The following SENP6 variants were observed in gnomAD, a reference collection of about 807,000 sequenced individuals.
SENP6 encodes SUMO specific peptidase 6.
Under a neutral mutation model 134.5 loss-of-function variants are expected in SENP6, and 41 were observed. That is an observed-to-expected ratio of 0.30 (90% CI 0.24 to 0.40). The LOEUF (loss-of-function observed/expected upper bound fraction) is 0.40, where lower values mean the gene tolerates loss of function less well. Ranked by LOEUF, SENP6 falls within the 10% of genes least tolerant of loss-of-function variation. The pLI is 1.00. For synonymous variants in SENP6, 395 were observed against 429.8 expected, an observed-to-expected ratio of 0.92 and a Z score of 1.00; for missense variants, 1,248 against 1,312.5, an observed-to-expected ratio of 0.95 and a Z score of 0.76.
At chr6:75,649,251 GT>G (rs1401016638) in intron 7 of SENP6, among the ~76,000 whole-genome samples, 14 of 152,066 alleles carry the variant, frequency 9.2e-5, no homozygotes, top group Non-Finnish European at 1.9e-4. Context: ...GGAGGCAGAG[GT>G]TGCAGTGAGC....
chr6:75,608,538 GGAAAGAAAGGAA>G (rs1259630023), intron 1 of SENP6, among the ~76,000 whole-genome samples: 3 of 150,962 alleles, frequency 2.0e-5, no homozygotes, highest in South Asian at 2.1e-4. Context: ...AAGAGAGGAA[GGAAAGAAAGGAA>G]GAAAGAAAGG....
intron 7 of SENP6, among the ~76,000 whole-genome samples, chr6:75,648,837 A>C (rs1220999453): frequency 1.3e-5 from 2 of 152,170 alleles, no homozygotes. Context: ...CTATAAGCTA[A>C]AAAACTTCCT....
At chr6:75,603,553 T>C (rs1254351643) in intron 1 of SENP6, among the ~76,000 whole-genome samples, 1 of 152,190 alleles carries the variant, frequency 6.6e-6, no homozygotes, top group African/African-American at 2.4e-5. Context: ...TGTCATAAGC[T>C]TTACTTCAAA....
At chr6:75,707,098 T>C (rs550648008) in intron 19 of SENP6, among the ~76,000 whole-genome samples, 2 of 152,320 alleles carry the variant, frequency 1.3e-5, no homozygotes, top group South Asian at 4.1e-4. Context: ...TCATTTAGGT[T>C]ATTTTTCTCC....
intron 3 of SENP6, among the ~76,000 whole-genome samples, chr6:75,625,099 G>C (rs1012484719): frequency 2.8e-5 from 4 of 143,834 alleles, no homozygotes; most frequent in South Asian, 2.2e-4. Flanking sequence ...ATATATATAC[G>C]TGTGTGTGTG....
At chr6:75,618,421 CCT>C (rs1050075910) in intron 1 of SENP6, among the ~76,000 whole-genome samples, 7 of 151,998 alleles carry the variant, frequency 4.6e-5, no homozygotes, top group Non-Finnish European at 7.4e-5. Context: ...TTGACATGCC[CCT>C]GTCTTTAAAA....
At chr6:75,645,584 G>C (rs1263320353) in intron 6 of SENP6, among the ~76,000 whole-genome samples, 1 of 152,076 alleles carries the variant, frequency 6.6e-6, no homozygotes, top group Non-Finnish European at 1.5e-5. Context: ...GCACGCTACT[G>C]TTCTCCAGCC....
intron 6 of SENP6, among the ~76,000 whole-genome samples, chr6:75,644,620 G>A (rs1417725897): frequency 3.3e-5 from 5 of 152,168 alleles, no homozygotes; most frequent in Admixed American, 2.0e-4. Context: ...GAGTAGCTGG[G>A]ATTACAGGCA....
chr6:75,683,201 G>A (rs1328383378), intron 16 of SENP6, among the ~76,000 whole-genome samples: 5 of 152,048 alleles, frequency 3.3e-5, no homozygotes, highest in Non-Finnish European at 7.4e-5. Context: ...CTGTATAGAT[G>A]TCTTCTTTAG....
chr6:75,671,934 T>C (rs1322403481), intron 11 of SENP6, among the ~76,000 whole-genome samples: 1 of 152,106 alleles, frequency 6.6e-6, no homozygotes, highest in East Asian at 1.9e-4. Flanking sequence ...ATCCGGCAAA[T>C]TTTTCTTTTC....
chr6:75,684,364 C>T lies in SENP6; in HGVS notation c.2075+5437C>T, dbSNP rs143147892. Among the ~76,000 whole-genome samples, 317 of 152,262 alleles carry T rather than the reference C, an allele frequency of 2.1e-3. 2 individuals carry two copies. The highest frequency in any genetic ancestry group is 7.3e-3 in the African/African-American group (304 of 41,542). On this transcript the variant is annotated intron_variant, in intron 16 of 23. Coordinates refer to ENST00000447266, the MANE Select transcript of SENP6 (RefSeq NM_015571.4). ...GCAAACAGGGACAGTTTGACTTCCC[C>T]ATTTCCTAATTGAATACGCTTTATT...
intron 16 of SENP6, among the ~76,000 whole-genome samples, chr6:75,688,853 A>G (rs1774031174): frequency 6.6e-6 from 1 of 152,214 alleles, no homozygotes; most frequent in Non-Finnish European, 1.5e-5. Context: ...GGATCATCTG[A>G]GGTCAGGAGG....
intron 3 of SENP6, 23 bp downstream of exon 3, chr6:75,623,983 T>G: frequency 6.3e-7 from 1 of 1,580,558 alleles, no homozygotes; most frequent in African/African-American, 1.4e-5. Context: ...TAAAATATTT[T>G]CTTCTTTTAC....
Position 75,695,853 on chromosome 6 carries a change from A to G in SENP6, c.2125A>G (p.Ile709Val). 2 of 1,606,358 alleles carry G rather than the reference A, an allele frequency of 1.2e-6. No individual in the cohort carries two copies. The highest frequency in any genetic ancestry group is 1.7e-6 in the Non-Finnish European group (2 of 1,176,214). ...LKKEDADRIH[I>V]FSSFFYKRLN... is the part of the protein sequence containing the mutation. The stretch of plus-strand genomic sequence containing the variant: ...GAAGGAAGACGCTGACCGAATTCAT[A>G]TATTCAGTTCTTTTTTCTATAAACG... The change falls in exon 17 of 24, where the codon ATA (isoleucine) becomes GTA (valine). Residue 709 changes from isoleucine (I) to valine (V), a missense_variant. Ile to Val is a conservative substitution (Grantham distance 29). Coordinates refer to ENST00000447266, the MANE Select transcript of SENP6 (RefSeq NM_015571.4).
chr6:75,630,518 C>G (rs959129375), intron 3 of SENP6, among the ~76,000 whole-genome samples: 4 of 152,200 alleles, frequency 2.6e-5, no homozygotes, highest in Admixed American at 6.5e-5. Context: ...GCATATCTCA[C>G]AGAGCTCAGA....
At chr6:75,711,245 T>C (rs1775726674) in intron 20 of SENP6, 83 bp from the exon 21 acceptor site, 1 of 859,460 alleles carries the variant, frequency 1.2e-6, no homozygotes, top group East Asian at 2.7e-5. Flanking sequence ...ACAAATATTT[T>C]TGTCTCCAGT....
At chr6:75,679,468 G>A (rs919729338) in intron 16 of SENP6, 2 of 153,118 alleles carry the variant, frequency 1.3e-5, no homozygotes, top group African/African-American at 4.8e-5. Context: ...TCAAGTAGTA[G>A]GAAAAATGCC....
intron 11 of SENP6, among the ~76,000 whole-genome samples, chr6:75,671,196 A>T (rs1174256787): frequency 6.6e-6 from 1 of 152,190 alleles, no homozygotes; most frequent in Non-Finnish European, 1.5e-5. Flanking sequence ...CTATTCTGCC[A>T]CCAATCCAAG....
In SENP6 at chr6:75,713,828, G is replaced by T; in HGVS notation, c.3129+3G>T. On this transcript the variant is annotated splice_donor_region_variant and intron_variant, in intron 23 of 23. Coordinates refer to ENST00000447266, the MANE Select transcript of SENP6 (RefSeq NM_015571.4). ...AGTATGTAGAGAGCTTTTTTGAGGTGGGTTTCAATTTGTTGGATCTGCTAT... is the reference window on the plus strand; with the variant it reads ...AGTATGTAGAGAGCTTTTTTGAGGTTGGTTTCAATTTGTTGGATCTGCTAT... The T allele has an allele frequency of 6.4e-7, 1 of 1,557,728 alleles. No individual in the cohort carries two copies. Among genetic ancestry groups the T allele is most frequent in the South Asian group, 1.3e-5 (1 of 79,456 alleles).
Sources: gnomAD v4.1 joint callset for allele counts (sites outside exome capture counted in the v4.1 genomes callset) on GRCh38, gnomAD v4.1.1 for gene constraint, MANE v1.5 for transcripts, NCBI Gene and HGNC (gene_info 2026-07-23, HGNC 2026-07-21) for gene names.